Variants in EFCAB14 observed in about 807,000 individuals in gnomAD.
EFCAB14 encodes the protein EF-hand calcium binding domain 14.
In EFCAB14, 43 loss-of-function variants were observed where a neutral mutation model predicts 56.5. The ratio of observed to expected loss-of-function variants is 0.76; its 90% CI spans 0.60 to 0.98. EFCAB14 has a LOEUF of 0.98. Among genes scored for constraint, EFCAB14 ranks in the 50% least tolerant of loss-of-function variants. The pLI is 0.00. For missense variants in EFCAB14, 538 were observed against 580.3 expected, an observed-to-expected ratio of 0.93 and a Z score of 0.75; for synonymous variants, 235 against 212.9, an observed-to-expected ratio of 1.10 and a Z score of -0.90.
In EFCAB14 at chr1:46,718,038, C is replaced by G; in HGVS notation, c.50G>C (p.Ser17Thr). Residue 17 changes from serine (S) to threonine (T), a missense_variant, in exon 1 of 11, where the codon AGC becomes ACC. Physicochemically the swap from Ser to Thr is moderately conservative, Grantham distance 58 (BLOSUM62 1). Transcript: ENST00000371933. Reference sequence around the variant, plus strand: ...GCCTTTCTTGGGCTTCTTTCTCCGGCTGTCCCCAGCCAAACCAATCAATGC... The same window carrying G: ...GCCTTTCTTGGGCTTCTTTCTCCGGGTGTCCCCAGCCAAACCAATCAATGC... ...LNALIGLAGD[S>T]RRKKPKKGPS... 6.2e-7 allele frequency: 1 copy of G among 1,614,232 alleles called. No homozygotes were observed. The highest frequency in any genetic ancestry group is 8.5e-7 in the Non-Finnish European group (1 of 1,180,048).
intron 7 of EFCAB14, 90 bp downstream of exon 7, chr1:46,688,263 T>C (rs1474548633): frequency 7.0e-6 from 9 of 1,276,972 alleles, no homozygotes; most frequent in Non-Finnish European, 8.9e-6. Flanking sequence ...CTCTCAAATA[T>C]GCCAGAAGGC....
In EFCAB14 at chr1:46,700,786, T is replaced by C. The variant is rs564365113; in HGVS notation, c.481-4137A>G. Among the ~76,000 whole-genome samples, 5 of 152,350 alleles carry C rather than the reference T, an allele frequency of 3.3e-5. No individual in the cohort carries two copies. The East Asian group carries it at 7.7e-4, about 23-fold the overall frequency. ...ATGTATATCACTAAGAATGTGCATATATTCAGTGGAAAAGCAAGCTGCAGA... is the reference window on the plus strand; with the variant it reads ...ATGTATATCACTAAGAATGTGCATACATTCAGTGGAAAAGCAAGCTGCAGA... On this transcript the variant is annotated intron_variant, in intron 3 of 10. Transcript: ENST00000371933.
At chr1:46,716,595 T>A in intron 1 of EFCAB14, 152 bp from the exon 2 acceptor site, 1 of 823,816 alleles carries the variant, frequency 1.2e-6, no homozygotes, top group Non-Finnish European at 1.9e-6. Context: ...CTTAAATGAA[T>A]AAATAATATG....
chr1:46,682,465 A>G (rs904083704), intron 10 of EFCAB14, among the ~76,000 whole-genome samples: 10 of 152,196 alleles, frequency 6.6e-5, no homozygotes, highest in African/African-American at 2.2e-4. Context: ...CTTTGTACTA[A>G]TATTTTGCTG....
intron 5 of EFCAB14, among the ~76,000 whole-genome samples, chr1:46,690,281 T>C (rs571325344): frequency 3.5e-4 from 54 of 152,296 alleles, no homozygotes; most frequent in African/African-American, 1.3e-3. Context: ...GTATAACATG[T>C]TTATATACAC....
In EFCAB14 at chr1:46,676,250, T is replaced by C. The variant is rs1676692659; in HGVS notation, c.*2211A>G. 1 of 152,072 alleles carries C rather than the reference T, an allele frequency of 6.6e-6. No homozygotes were observed. The highest frequency in any genetic ancestry group is 1.5e-5 in the Non-Finnish European group (1 of 68,000). 9.4% of individuals were successfully genotyped at this position (152,072 alleles called of 1,614,324 possible). ...TGCAGTATAAACACCTCTGCCAAACTTGGTAGGGGGAGAGGATGGTACTGT... is the reference window on the plus strand; with the variant it reads ...TGCAGTATAAACACCTCTGCCAAACCTGGTAGGGGGAGAGGATGGTACTGT... On this transcript the variant is annotated 3_prime_UTR_variant, in exon 11 of 11. Transcript: ENST00000371933.
chr1:46,714,508 T>C (rs550330144), intron 2 of EFCAB14, among the ~76,000 whole-genome samples: 4 of 151,882 alleles, frequency 2.6e-5, no homozygotes, highest in African/African-American at 9.6e-5. Flanking sequence ...AAAAGTAATT[T>C]GGGCCGAGCA....
At position 46,700,986 on chromosome 1, in the gene EFCAB14, A is replaced by AGTGAGTGAGTGAGTGTGT. The variant is rs145670885; in HGVS notation, c.481-4338_481-4337insACACACTCACTCACTCAC. On this transcript the variant is annotated intron_variant, in intron 3 of 10. Transcript: ENST00000371933. ...GAGAGAGAGAGAGAGAGAGTGAGTG[A>AGTGAGTGAGTGAGTGTGT]GTGTGTGTGTGTGTGTGTGTGTGTG... 1.6e-3 allele frequency among the ~76,000 whole-genome samples: 234 copies of AGTGAGTGAGTGAGTGTGT among 142,936 alleles called. 2 individuals are homozygous for AGTGAGTGAGTGAGTGTGT. The highest frequency in any genetic ancestry group is 5.7e-3 in the African/African-American group (222 of 38,822). 93.8% of individuals were successfully genotyped at this position (142,936 alleles called of 152,430 possible).
At chr1:46,683,205 T>A (rs1191000672) in intron 10 of EFCAB14, 95 bp downstream of exon 10, 6 of 1,403,368 alleles carry the variant, frequency 4.3e-6, no homozygotes, top group Non-Finnish European at 5.9e-6. Context: ...CCTCAATAAA[T>A]GTTAGATCAT....
chr1:46,706,600 A>G (rs1341952624), intron 3 of EFCAB14, among the ~76,000 whole-genome samples: 1 of 152,234 alleles, frequency 6.6e-6, no homozygotes, highest in Non-Finnish European at 1.5e-5. Context: ...GATGCTGATT[A>G]TCTTTCAGTG....
chr1:46,708,767 A>G (rs1357821115), intron 2 of EFCAB14, among the ~76,000 whole-genome samples: 2 of 152,238 alleles, frequency 1.3e-5, no homozygotes, highest in Non-Finnish European at 2.9e-5. Flanking sequence ...GGTGAAGTAT[A>G]GTATGATATT....
chr1:46,696,184 G>A (rs1332594253), intron 4 of EFCAB14, among the ~76,000 whole-genome samples: 3 of 150,740 alleles, frequency 2.0e-5, no homozygotes, highest in Non-Finnish European at 2.9e-5. Context: ...CAATTGGTCT[G>A]CTTTGATGAA....
rs373774995 is a variant in EFCAB14 at position 46,716,447 on chromosome 1, C to T, written c.186-4G>A. 10 of 1,613,526 alleles carry T rather than the reference C, an allele frequency of 6.2e-6. No individual in the cohort carries two copies. The East Asian group carries it at 1.8e-4, about 29-fold the overall frequency. ...GCAGCATCGTAAATAGTCTCCCCTGCTCAAGAGGACAAATTCAACCATGAG... is the reference window on the plus strand; with the variant it reads ...GCAGCATCGTAAATAGTCTCCCCTGTTCAAGAGGACAAATTCAACCATGAG... On this transcript the variant is annotated splice_region_variant and splice_polypyrimidine_tract_variant and intron_variant, in intron 1 of 10. Transcript: ENST00000371933.
intron 3 of EFCAB14, among the ~76,000 whole-genome samples, chr1:46,700,477 CATTAA>C (rs1461200778): frequency 4.6e-5 from 7 of 152,118 alleles, no homozygotes; most frequent in African/African-American, 1.7e-4. Flanking sequence ...GAAGCAATTA[CATTAA>C]GGAGGTTTTC....
chr1:46,718,098 G>A lies in EFCAB14; in HGVS notation c.-11C>T. 1 of 1,612,498 alleles carries A rather than the reference G, an allele frequency of 6.2e-7. No homozygotes were observed. Among genetic ancestry groups the A allele is most frequent in the East Asian group, 2.2e-5 (1 of 44,812 alleles). On this transcript the variant is annotated 5_prime_UTR_variant, in exon 1 of 11. Transcript: ENST00000371933. ...TTTGCGCTTTTTCATCTTTTTGTGT[G>A]GGGTGAGTGGAGCCCCGACTCCTGA...
chr1:46,683,462 GA>G, intron 9 of EFCAB14, 37 bp from the exon 10 acceptor site: 1 of 1,594,904 alleles, frequency 6.3e-7, no homozygotes, highest in African/African-American at 1.3e-5. Flanking sequence ...TAGTATTATT[GA>G]ATCTAACACC....
rs1159399048 is a variant in EFCAB14, at chr1:46,696,571, T to C, written c.559A>G (p.Thr187Ala). 1 of 1,613,514 alleles carries C rather than the reference T, an allele frequency of 6.2e-7. No homozygotes were observed. The highest frequency in any genetic ancestry group is 2.2e-5 in the East Asian group (1 of 44,868). ...SAADLISLPT[T>A]VEGLQKSVAS... ...CCTACCTTCTGAAGTCCCTCTACAG[T>C]GGTAGGCAGGCTAATCAAGTCTGCA... Residue 187 changes from threonine to alanine, a missense_variant, in exon 4 of 11, where the codon ACT (threonine) becomes GCT (alanine). By Grantham distance (58) the Thr-to-Ala change is moderately conservative. Transcript: ENST00000371933.
chr1:46,715,063 G>GT (rs1172421648), intron 2 of EFCAB14, among the ~76,000 whole-genome samples: 3 of 152,124 alleles, frequency 2.0e-5, no homozygotes, highest in Non-Finnish European at 2.9e-5. Context: ...GTATTTAAAT[G>GT]TTTTTTTCTT....
intron 2 of EFCAB14, among the ~76,000 whole-genome samples, chr1:46,714,322 T>C (rs895741954): frequency 6.6e-6 from 1 of 152,050 alleles, no homozygotes; most frequent in Non-Finnish European, 1.5e-5. Context: ...GTCAGTTTCC[T>C]GGTGTGCTCA....
Sources: gnomAD v4.1 joint callset for allele counts (sites outside exome capture counted in the v4.1 genomes callset) on GRCh38, gnomAD v4.1.1 for gene constraint, MANE v1.5 for transcripts, NCBI Gene and HGNC (gene_info 2026-07-23, HGNC 2026-07-21) for gene names.